Variants in ANKRD28 observed in about 807,000 individuals in gnomAD.
ANKRD28 encodes the protein ankyrin repeat domain 28, also known as serine/threonine-protein phosphatase 6 regulatory ankyrin repeat subunit A.
ANKRD28 carries 44 observed loss-of-function variants against 126.5 expected under a neutral mutation model. The ratio of observed to expected loss-of-function variants is 0.35; its 90% confidence interval spans 0.27 to 0.45. The LOEUF is 0.45. Ranked by LOEUF, ANKRD28 falls within the 20% of genes least tolerant of loss-of-function variation. ANKRD28 has a pLI of 1.00. For missense variants in ANKRD28, 1,110 were observed against 1,316.6 expected (o/e 0.84, Z 2.43); for synonymous variants, 442 against 468.5 (o/e 0.94, Z 0.73).
At chr3:15,779,143 A>G (rs1470483283) in intron 2 of ANKRD28, among the ~76,000 whole-genome samples, 2 of 152,216 alleles carry the variant, frequency 1.3e-5, no homozygotes, top group Non-Finnish European at 2.9e-5. Flanking sequence ...TGCTTACAAT[A>G]CCAGAAATAA....
chr3:15,807,836 C>T (rs988450982), intron 1 of ANKRD28, among the ~76,000 whole-genome samples: 10 of 152,132 alleles, frequency 6.6e-5, no homozygotes, highest in African/African-American at 1.4e-4. Context: ...GAATAATAAA[C>T]AGGAAGATGA....
intron 1 of ANKRD28, among the ~76,000 whole-genome samples, chr3:15,826,247 T>A (rs1017480691): frequency 6.6e-6 from 1 of 152,232 alleles, no homozygotes; most frequent in African/African-American, 2.4e-5. Flanking sequence ...CTATTATTTT[T>A]ATTTGTATAG....
intron 1 of ANKRD28, among the ~76,000 whole-genome samples, chr3:15,851,231 G>A (rs371945418): frequency 9.4e-4 from 143 of 152,082 alleles, no homozygotes; most frequent in African/African-American, 3.4e-3. Flanking sequence ...CATCAAAACT[G>A]CAGTAAGATA....
chr3:15,682,823 T>C (rs1310300489), intron 21 of ANKRD28, among the ~76,000 whole-genome samples: 1 of 152,238 alleles, frequency 6.6e-6, no homozygotes, highest in Non-Finnish European at 1.5e-5. Context: ...TTTTAGGCTG[T>C]CTATATAGTC....
intron 18 of ANKRD28, among the ~76,000 whole-genome samples, chr3:15,686,704 G>A (rs1284022830): frequency 6.6e-6 from 1 of 152,212 alleles, no homozygotes; most frequent in Non-Finnish European, 1.5e-5. Flanking sequence ...GTTTTAAGGT[G>A]AGCAGCACAG....
At chr3:15,758,506 T>C (rs1364007451) in intron 3 of ANKRD28, among the ~76,000 whole-genome samples, 12 of 152,092 alleles carry the variant, frequency 7.9e-5, no homozygotes, top group Admixed American at 7.9e-4. Flanking sequence ...ACAGAGGTAA[T>C]TAAAATGAGG....
intron 18 of ANKRD28, chr3:15,686,527 C>A (rs1379339171): frequency 1.8e-6 from 1 of 559,822 alleles, no homozygotes; most frequent in East Asian, 3.2e-5. Context: ...GACAGGCAGA[C>A]CGCCTACCCA....
At position 15,814,079 on chromosome 3, in the gene ANKRD28, T is replaced by C. The variant is rs1358824490; in HGVS notation, c.28-18773A>G. On this transcript the variant is annotated intron_variant, in intron 1 of 27. Coordinates refer to the ANKRD28 transcript ENST00000399451. This position sits in a 1 kb window ranked among gnomAD's most constrained non-coding sequence, Gnocchi z 4.7. ...TCCACTAACACAGGGTCCACTACTATAAATGTTTCTACAATAAAGGACTTT... is the reference window on the plus strand; with the variant it reads ...TCCACTAACACAGGGTCCACTACTACAAATGTTTCTACAATAAAGGACTTT... 1.3e-5 allele frequency among the ~76,000 whole-genome samples: 2 copies of C among 152,204 alleles called. No homozygotes were observed. Among genetic ancestry groups the C allele is most frequent in the African/African-American group, 4.8e-5 (2 of 41,442 alleles).
At chr3:15,686,571 T>C (rs1248505428) in intron 18 of ANKRD28, 2 of 460,384 alleles carry the variant, frequency 4.3e-6, no homozygotes, top group African/African-American at 2.0e-5. Flanking sequence ...TCTAAAAGAA[T>C]GCTCATTTTA....
At chr3:15,829,635 C>T (rs957075532) in intron 1 of ANKRD28, among the ~76,000 whole-genome samples, 5 of 152,212 alleles carry the variant, frequency 3.3e-5, no homozygotes, top group African/African-American at 7.2e-5. Context: ...ATTACTGACA[C>T]GTTTCATGAT....
intron 8 of ANKRD28, among the ~76,000 whole-genome samples, chr3:15,716,598 T>C (rs2073086458): frequency 2.0e-5 from 3 of 151,982 alleles, no homozygotes; most frequent in Admixed American, 6.6e-5. Flanking sequence ...ATAGCCAATT[T>C]TTACAGACAT....
At chr3:15,749,152 G>A (rs1294850219) in intron 4 of ANKRD28, among the ~76,000 whole-genome samples, 4 of 134,726 alleles carry the variant, frequency 3.0e-5, no homozygotes, top group Non-Finnish European at 6.1e-5. Flanking sequence ...CGCCCAGGCC[G>A]GACTGCGGAC....
chr3:15,805,540 A>AT (rs533977345), intron 1 of ANKRD28, among the ~76,000 whole-genome samples: 76 of 152,310 alleles, frequency 5.0e-4, no homozygotes, highest in African/African-American at 1.7e-3. Flanking sequence ...AATCTACATT[A>AT]TTATTTGCAA....
intron 2 of ANKRD28, among the ~76,000 whole-genome samples, chr3:15,771,239 A>C (rs917897974): frequency 6.6e-6 from 1 of 151,916 alleles, no homozygotes; most frequent in Non-Finnish European, 1.5e-5. Flanking sequence ...GTGAAACACT[A>C]TCTCTACTAA....
At position 15,724,513 on chromosome 3, in the gene ANKRD28, C is replaced by A. The variant is rs774396697; in HGVS notation, c.652G>T (p.Val218Leu). The change falls in exon 7 of 28, where the codon GTA becomes TTA. Residue 218 changes from valine to leucine, a missense_variant. Transcript: ENST00000683139. ...HWAAYMGHIE[V>L]VKLLVSHGAE... ...CCATGCGACACAAGCAATTTCACTA[C>A]TTCAATGTGACCTAAAAATGTGTTT... is the stretch of plus-strand genomic sequence containing the variant. 6.3e-7 allele frequency: 1 copy of A among 1,579,550 alleles called. No homozygotes were observed.
intron 21 of ANKRD28, 93 bp from the exon 22 acceptor site, chr3:15,679,656 A>G: frequency 1.1e-6 from 1 of 949,172 alleles, no homozygotes; most frequent in Non-Finnish European, 1.6e-6. Flanking sequence ...AAAATGTAAA[A>G]GTCTCTCCCT....
Position 15,692,059 on chromosome 3 carries a change from G to C in ANKRD28, c.1762-1839C>G, listed in dbSNP as rs547005703. ...GGAGGCTGAGGCGGAAGTATCACTT[G>C]AGTCTAGGAGGTACAGGCTGCAGTG... On this transcript the variant is annotated intron_variant, in intron 17 of 27. Coordinates refer to ENST00000683139, the MANE Select transcript of ANKRD28 (RefSeq NM_001349278.2). Among the ~76,000 whole-genome samples, 83 of 150,856 alleles carry C rather than the reference G, an allele frequency of 5.5e-4. 1 individual carries two copies. The highest frequency in any genetic ancestry group is 1.1e-3 in the Non-Finnish European group (74 of 67,862).
At chr3:15,749,095 G>GTTTTTTTTTTTTTTTTTTTTT (rs1357402514) in intron 4 of ANKRD28, among the ~76,000 whole-genome samples, 1 of 106,994 alleles carries the variant, frequency 9.3e-6, no homozygotes, top group African/African-American at 4.2e-5. Context: ...TCTATATTAT[G>GTTTTTTTTTTTTTTTTTTTTT]TTTTTGTTTT....
intron 4 of ANKRD28, among the ~76,000 whole-genome samples, chr3:15,751,323 A>G (rs1055772380): frequency 3.3e-5 from 5 of 152,208 alleles, no homozygotes; most frequent in Non-Finnish European, 4.4e-5. Context: ...AACCAGTAAA[A>G]TGTGCAATCA....
Sources: allele counts gnomAD v4.1 joint callset (sites outside exome capture counted in the v4.1 genomes callset), GRCh38; gene constraint gnomAD v4.1.1; non-coding constraint Gnocchi (gnomAD v3.1); transcripts MANE v1.5; gene names NCBI Gene and HGNC (gene_info 2026-07-23, HGNC 2026-07-21).